Variants in ILF2 observed in about 807,000 individuals in gnomAD.
ILF2 encodes the protein interleukin enhancer-binding factor 2.
A neutral mutation model predicts 55.3 loss-of-function variants in ILF2; 9 were observed. The observed-to-expected ratio is 0.16, with a 90% CI of 0.10 to 0.28. ILF2 has a LOEUF of 0.28. Ranked by LOEUF, ILF2 falls within the 10% of genes least tolerant of loss-of-function variation. ILF2 has a pLI of 1.00. For synonymous variants in ILF2, 151 were observed against 161.8 expected, an observed-to-expected ratio of 0.93 and a Z score of 0.50; for missense variants, 266 against 474.9, an observed-to-expected ratio of 0.56 and a Z score of 4.09.
At chr1:153,664,168 G>C (rs372794128) in intron 9 of ILF2, 38 bp from the exon 10 acceptor site, 24 of 1,325,146 alleles carry the variant, frequency 1.8e-5, no homozygotes, top group Non-Finnish European at 2.4e-5. Flanking sequence ...AAATCAATAC[G>C]ATCATGTATT....
chr1:153,663,419 C>T (rs1669225495), intron 10 of ILF2, 143 bp from the exon 11 acceptor site: 1 of 742,988 alleles, frequency 1.3e-6, no homozygotes. Context: ...ACCGCGAACT[C>T]CTGGGCTCAA....
chr1:153,662,600 A>G (rs1669197446), intron 13 of ILF2, 44 bp from the exon 14 acceptor site: 3 of 1,586,778 alleles, frequency 1.9e-6, no homozygotes, highest in African/African-American at 1.3e-5. Context: ...GCCCAGCATA[A>G]AAGTCATTAC....
At chr1:153,667,954 A>G (rs749953654) in intron 5 of ILF2, 46 bp downstream of exon 5, 4 of 1,359,736 alleles carry the variant, frequency 2.9e-6, no homozygotes, top group Non-Finnish European at 4.1e-6. Flanking sequence ...CAATTTCCAC[A>G]CTACCAAAGC....
intron 6 of ILF2, among the ~76,000 whole-genome samples, chr1:153,666,682 T>C (rs1669314908): frequency 6.6e-6 from 1 of 152,212 alleles, no homozygotes. Flanking sequence ...CCCCTTGTTT[T>C]AACAATCAAA....
intron 4 of ILF2, 80 bp from the exon 5 acceptor site, chr1:153,668,157 C>A: frequency 9.2e-7 from 1 of 1,089,662 alleles, no homozygotes; most frequent in Non-Finnish European, 1.4e-6. Context: ...TCTCCTAATC[C>A]CTTCCATACA....
intron 8 of ILF2, 49 bp downstream of exon 8, chr1:153,665,171 G>T: frequency 1.9e-6 from 2 of 1,062,400 alleles, no homozygotes; most frequent in Non-Finnish European, 1.5e-6. Flanking sequence ...ACAATACCAT[G>T]TTTTGAATAT....
intron 7 of ILF2, 23 bp from the exon 8 acceptor site, chr1:153,665,359 A>G: frequency 6.9e-7 from 1 of 1,440,688 alleles, no homozygotes; most frequent in Non-Finnish European, 9.8e-7. Flanking sequence ...AATAAACAAA[A>G]ACTATAACTC....
At chr1:153,663,424 G>C in intron 10 of ILF2, 148 bp from the exon 11 acceptor site, 1 of 714,224 alleles carries the variant, frequency 1.4e-6, no homozygotes, top group Non-Finnish European at 2.4e-6. Flanking sequence ...GAACTCCTGG[G>C]CTCAAGCAAC....
chr1:153,668,275 AT>A (rs1486943434), intron 4 of ILF2, among the ~76,000 whole-genome samples, 177 bp downstream of exon 4: 5 of 152,234 alleles, frequency 3.3e-5, no homozygotes, highest in Non-Finnish European at 7.3e-5. Flanking sequence ...TGCATATGTA[AT>A]TTGTTTATAT....
At chr1:153,668,841 G>A (rs1669375713) in intron 3 of ILF2, among the ~76,000 whole-genome samples, 1 of 151,750 alleles carries the variant, frequency 6.6e-6, no homozygotes, top group Non-Finnish European at 1.5e-5. Context: ...AGGTTGCAGT[G>A]AGCCAAGATC....
intron 9 of ILF2, 119 bp downstream of exon 9, chr1:153,664,277 A>T: frequency 9.4e-7 from 1 of 1,063,548 alleles, no homozygotes; most frequent in Non-Finnish European, 1.4e-6. Context: ...AGGTAAAAAT[A>T]AAAATCCAGA....
intron 1 of ILF2, among the ~76,000 whole-genome samples, 180 bp from the exon 2 acceptor site, chr1:153,670,410 A>G (rs1669413146): frequency 6.6e-6 from 1 of 152,112 alleles, no homozygotes; most frequent in Admixed American, 6.6e-5. Flanking sequence ...CCTCTAAGTT[A>G]ATCCAACCCC....
In ILF2 at chr1:153,662,453, C is replaced by T. The variant is rs1196619061; in HGVS notation, c.1116G>A (p.Glu372=). 6.2e-7 allele frequency: 1 copy of T among 1,612,976 alleles called. No homozygotes were observed. Among genetic ancestry groups the T allele is most frequent in the Non-Finnish European group, 8.5e-7 (1 of 1,179,052 alleles). The change falls in exon 14 of 14, where the codon GAG becomes GAA. Residue 372 remains glutamate, a synonymous_variant. Coordinates refer to ENST00000361891, the MANE Select transcript of ILF2 (RefSeq NM_004515.4). The part of the protein sequence containing the change: ...PEKKEGEEEE[E]NTEEPPQGEE... The stretch of plus-strand genomic sequence containing the variant: ...CTCCTTGAGGTGGTTCTTCTGTATT[C>T]TCCTCTTCTTCCTCTCCTTCCTTCT...
Position 153,665,472 on chromosome 1 carries a change from T to C in ILF2, c.461-136A>G. 4 of 761,920 alleles carry C rather than the reference T, an allele frequency of 5.2e-6. 1 individual carries two copies. Among genetic ancestry groups the C allele is most frequent in the Non-Finnish European group, 9.1e-6 (4 of 438,108 alleles). 47.2% of individuals were successfully genotyped at this position (761,920 alleles called of 1,614,324 possible). A position where few individuals can be genotyped will look rare whatever the true frequency, so the allele number is the denominator to read the frequency against. On this transcript the variant is annotated intron_variant, in intron 7 of 13. Coordinates refer to ENST00000361891, the MANE Select transcript of ILF2 (RefSeq NM_004515.4). The stretch of plus-strand genomic sequence containing the variant: ...GAATGAGAATTTAGAATACAGAGCT[T>C]TAGAAGGGAGATCAAACAGATCTCC...
In ILF2 at chr1:153,670,292, G is replaced by A. The variant is rs181290508; in HGVS notation, c.6-62C>T. 3.2e-5 allele frequency: 50 copies of A among 1,554,928 alleles called. No individual in the cohort carries two copies. In the East Asian group the frequency reaches 1.0e-3, roughly 31 times the overall value. ...AATACCCACCGGCCATATCATCTTA[G>A]GTTGGCTACTTTCATCCCTCGGAAC... On this transcript the variant is annotated intron_variant, in intron 1 of 13. Coordinates refer to ENST00000361891, the MANE Select transcript of ILF2 (RefSeq NM_004515.4).
intron 10 of ILF2, 114 bp from the exon 11 acceptor site, chr1:153,663,390 G>A (rs572694259): frequency 1.1e-4 from 110 of 956,988 alleles, no homozygotes; most frequent in Non-Finnish European, 1.4e-4. Context: ...GTGCAGTGGC[G>A]CAATCATAGT....
Position 153,662,258 on chromosome 1 carries a change from T to G in ILF2, c.*138A>C. On this transcript the variant is annotated 3_prime_UTR_variant, in exon 14 of 14. Coordinates refer to ENST00000361891, the MANE Select transcript of ILF2 (RefSeq NM_004515.4). ...AAGCCAATATCAAAACCCAGTGGAA[T>G]GACACTTCTATGGAGTTTACTTTTC... The G allele has an allele frequency of 7.4e-6, 8 of 1,075,800 alleles. No homozygotes were observed. Among genetic ancestry groups the G allele is most frequent in the Non-Finnish European group, 1.1e-5 (8 of 746,216 alleles). The allele number at this position is 1,075,800 out of a possible 1,614,324, so 66.6% of individuals were successfully genotyped here. A position where few individuals can be genotyped will look rare whatever the true frequency, so the allele number is the denominator to read the frequency against.
chr1:153,669,184 CA>C (rs1245751158), intron 3 of ILF2, among the ~76,000 whole-genome samples: 1 of 151,540 alleles, frequency 6.6e-6, no homozygotes, highest in Non-Finnish European at 1.5e-5. Context: ...TGCAGTGAGC[CA>C]AGATTGCACC....
intron 12 of ILF2, 104 bp from the exon 13 acceptor site, chr1:153,662,899 C>T: frequency 7.5e-7 from 1 of 1,324,674 alleles, no homozygotes; most frequent in Non-Finnish European, 1.1e-6. Flanking sequence ...AATCTCAGGA[C>T]CAAAGTCTTT....
Sources: allele counts gnomAD v4.1 joint callset (sites outside exome capture counted in the v4.1 genomes callset), GRCh38; gene constraint gnomAD v4.1.1; transcripts MANE v1.5; gene names NCBI Gene and HGNC (gene_info 2026-07-23, HGNC 2026-07-21).